Variants in LRBA observed in about 807,000 individuals in gnomAD.
LRBA encodes lipopolysaccharide-responsive and beige-like anchor protein.
Under a neutral mutation model 330.0 loss-of-function variants are expected in LRBA, and 176 were observed. The ratio of observed to expected loss-of-function variants is 0.53; its 90% CI spans 0.47 to 0.60. LRBA has a LOEUF of 0.60. LRBA is among the 20% of genes least tolerant of loss of function. The pLI is 0.00. For synonymous variants in LRBA, 1,230 were observed against 1,193.0 expected, an observed-to-expected ratio of 1.03 and a Z score of -0.64; for missense variants, 3,259 against 3,444.8, an observed-to-expected ratio of 0.95 and a Z score of 1.35.
At chr4:150,829,184 C>T (rs1746779526) in intron 29 of LRBA, among the ~76,000 whole-genome samples, 1 of 152,146 alleles carries the variant, frequency 6.6e-6, no homozygotes, top group African/African-American at 2.4e-5. Flanking sequence ...AATCTACCTG[C>T]CTCGGCCTCC....
chr4:150,910,012 G>T (rs572337657), intron 9 of LRBA, among the ~76,000 whole-genome samples: 2 of 152,032 alleles, frequency 1.3e-5, no homozygotes, highest in South Asian at 2.1e-4. Flanking sequence ...TTTTGTTATT[G>T]TTGTTGTTGT....
At chr4:150,489,126 TAAG>T (rs1350503878) in intron 41 of LRBA, among the ~76,000 whole-genome samples, 2 of 118,382 alleles carry the variant, frequency 1.7e-5, no homozygotes, top group South Asian at 2.3e-4. Flanking sequence ...ATATAATATA[TAAG>T]AATATATAAT....
At chr4:150,572,325 A>T (rs533038832) in intron 40 of LRBA, among the ~76,000 whole-genome samples, 1 of 152,246 alleles carries the variant, frequency 6.6e-6, no homozygotes, top group African/African-American at 2.4e-5. Flanking sequence ...TTGGTCTGCA[A>T]TTAGAACATG....
intron 8 of LRBA, among the ~76,000 whole-genome samples, chr4:150,914,957 T>C (rs1015844543): frequency 1.3e-5 from 2 of 152,086 alleles, no homozygotes; most frequent in Non-Finnish European, 2.9e-5. Flanking sequence ...ATAGATTAGG[T>C]AAGGTCATGC....
At chr4:150,737,983 C>CTTTTTTT (rs774453122) in intron 35 of LRBA, among the ~76,000 whole-genome samples, 12 of 112,170 alleles carry the variant, frequency 1.1e-4, no homozygotes, top group African/African-American at 1.4e-4. Flanking sequence ...TTCTCTGAAT[C>CTTTTTTT]TTTTTTTTTT....
chr4:150,413,886 C>T (rs181215779), intron 47 of LRBA, among the ~76,000 whole-genome samples: 5 of 152,196 alleles, frequency 3.3e-5, no homozygotes, highest in South Asian at 2.1e-4. Context: ...AAACCACACA[C>T]GACCATAGAC....
At chr4:150,632,374 C>T (rs1777476198) in intron 37 of LRBA, among the ~76,000 whole-genome samples, 1 of 152,090 alleles carries the variant, frequency 6.6e-6, no homozygotes, top group Admixed American at 6.6e-5. Flanking sequence ...AAGCAAGCTC[C>T]AAGGACACAA....
At chr4:150,340,651 T>C (rs1016624755) in intron 48 of LRBA, among the ~76,000 whole-genome samples, 2 of 152,224 alleles carry the variant, frequency 1.3e-5, no homozygotes, top group African/African-American at 4.8e-5. Context: ...GCTTTTCATA[T>C]GTGACTTGCA....
chr4:150,910,362 A>G (rs1731844527), intron 9 of LRBA, among the ~76,000 whole-genome samples: 1 of 152,048 alleles, frequency 6.6e-6, no homozygotes, highest in African/African-American at 2.4e-5. Context: ...TAAGTATAAA[A>G]CTTTTCTTTC....
intron 36 of LRBA, among the ~76,000 whole-genome samples, chr4:150,718,005 T>C (rs890845337): frequency 2.0e-5 from 3 of 152,116 alleles, no homozygotes; most frequent in African/African-American, 4.8e-5. Flanking sequence ...ACAACCTTCT[T>C]TACAAAAATG....
chr4:150,939,918 C>T (rs1340309096), intron 2 of LRBA, among the ~76,000 whole-genome samples: 1 of 152,082 alleles, frequency 6.6e-6, no homozygotes, highest in Non-Finnish European at 1.5e-5. Flanking sequence ...CCAGACTTCA[C>T]CATAACTCAA....
chr4:150,973,764 G>A (rs185852045), intron 2 of LRBA, among the ~76,000 whole-genome samples: 54 of 152,168 alleles, frequency 3.5e-4, no homozygotes, highest in Non-Finnish European at 5.9e-4. Flanking sequence ...AGGCTGAAGC[G>A]AGAAGATCAC....
At chr4:150,422,364 G>A (rs917378563) in intron 46 of LRBA, among the ~76,000 whole-genome samples, 2 of 152,044 alleles carry the variant, frequency 1.3e-5, no homozygotes, top group Admixed American at 6.6e-5. Flanking sequence ...CTTCCAGAAG[G>A]TTTTCCCCTT....
intron 36 of LRBA, among the ~76,000 whole-genome samples, chr4:150,715,782 A>C (rs756567905): frequency 1.3e-5 from 2 of 152,214 alleles, no homozygotes; most frequent in African/African-American, 4.8e-5. Context: ...AATAGAACCC[A>C]AAAACTAGCT....
In LRBA at chr4:150,828,412, C is replaced by T; in HGVS notation, c.4939G>A (p.Glu1647Lys). The T allele has an allele frequency of 6.2e-7, 1 of 1,614,100 alleles. No individual in the cohort carries two copies. The highest frequency in any genetic ancestry group is 8.5e-7 in the Non-Finnish European group (1 of 1,180,008). Residue 1647 changes from glutamate to lysine, a missense_variant, in exon 30 of 57, where the codon GAA becomes AAA. Physicochemically the swap from Glu to Lys is moderately conservative, Grantham distance 56. Coordinates refer to ENST00000651943, the MANE Select transcript of LRBA (RefSeq NM_001364905.1). ...TTGGTTTCCGGAGACTTATTGACTTCTAAAGAAAGAGTAGATAGCACCTCG... is the reference window on the plus strand; with the variant it reads ...TTGGTTTCCGGAGACTTATTGACTTTTAAAGAAAGAGTAGATAGCACCTCG... The part of the protein sequence containing the change: ...ISEVLSTLSL[E>K]VNKSPETKND...
At chr4:150,400,252 A>AG (rs1745287794) in intron 47 of LRBA, among the ~76,000 whole-genome samples, 1 of 152,216 alleles carries the variant, frequency 6.6e-6, no homozygotes, top group Non-Finnish European at 1.5e-5. Flanking sequence ...CCTCCAATTT[A>AG]GGGAGTATCC....
intron 35 of LRBA, among the ~76,000 whole-genome samples, chr4:150,739,239 T>C (rs1468216296): frequency 2.0e-5 from 3 of 152,144 alleles, no homozygotes; most frequent in African/African-American, 7.2e-5. Context: ...TACTACCAGA[T>C]ATAGAATATA....
At chr4:150,692,422 G>T (rs1359821685) in intron 36 of LRBA, among the ~76,000 whole-genome samples, 1 of 151,930 alleles carries the variant, frequency 6.6e-6, no homozygotes, top group African/African-American at 2.4e-5. Flanking sequence ...GTCTCACTAT[G>T]TTGCCCACGC....
chr4:150,980,285 CAA>C (rs911698130), intron 2 of LRBA, among the ~76,000 whole-genome samples: 2 of 151,410 alleles, frequency 1.3e-5, no homozygotes, highest in African/African-American at 4.9e-5. Context: ...CTCACCGTGA[CAA>C]AAAAAACCCT....
Sources: gnomAD v4.1 joint callset for allele counts (sites outside exome capture counted in the v4.1 genomes callset) on GRCh38, gnomAD v4.1.1 for gene constraint, MANE v1.5 for transcripts, NCBI Gene and HGNC (gene_info 2026-07-23, HGNC 2026-07-21) for gene names.